Variants in SHOC1 observed in about 807,000 individuals in gnomAD.
SHOC1 encodes the protein protein shortage in chiasmata 1 ortholog.
A neutral mutation model predicts 179.2 loss-of-function variants in SHOC1; 136 were observed. The observed-to-expected ratio is 0.76, with a 90% confidence interval of 0.66 to 0.87. SHOC1 has a LOEUF of 0.87. Among genes scored for constraint, SHOC1 ranks in the 40% least tolerant of loss-of-function variants. SHOC1 has a pLI of 0.00. For missense variants in SHOC1, 1,538 were observed against 1,700.8 expected (o/e 0.90, Z 1.68); for synonymous variants, 489 against 586.6 (o/e 0.83, Z 2.41).
At chr9:111,747,532 C>G (rs1834345928) in intron 9 of SHOC1, among the ~76,000 whole-genome samples, 1 of 151,964 alleles carries the variant, frequency 6.6e-6, no homozygotes. Context: ...ATGCTATTTC[C>G]TCCATTCCTC....
chr9:111,758,630 G>C (rs1485727153), intron 6 of SHOC1, 65 bp downstream of exon 6: 3 of 1,378,548 alleles, frequency 2.2e-6, no homozygotes, highest in Non-Finnish European at 3.0e-6. Context: ...ATCTAAGCTT[G>C]TGATCATACT....
At chr9:111,765,543 T>C (rs1368103762) in intron 5 of SHOC1, among the ~76,000 whole-genome samples, 1 of 151,686 alleles carries the variant, frequency 6.6e-6, no homozygotes, top group Non-Finnish European at 1.5e-5. Flanking sequence ...TGAGCAGAGA[T>C]TGCACCATTG....
chr9:111,720,518 C>T (rs764947299), intron 15 of SHOC1, among the ~76,000 whole-genome samples: 13 of 152,138 alleles, frequency 8.5e-5, no homozygotes, highest in Non-Finnish European at 1.5e-4. Context: ...AAAGATTTGT[C>T]ATTATTTCTT....
intron 12 of SHOC1, among the ~76,000 whole-genome samples, chr9:111,733,628 G>GA (rs1833688061): frequency 6.6e-6 from 1 of 152,234 alleles, no homozygotes; most frequent in African/African-American, 2.4e-5. Flanking sequence ...AGCACTTTGG[G>GA]ATGCCAAGGC....
At chr9:111,753,786 A>G (rs567186606) in intron 8 of SHOC1, among the ~76,000 whole-genome samples, 16 of 152,284 alleles carry the variant, frequency 1.1e-4, no homozygotes, top group Admixed American at 1.0e-3. Context: ...ACTCTCAAAA[A>G]ATTAGGTATT....
rs190131643 is a variant in SHOC1 at position 111,697,762 on chromosome 9, G to A, written c.3183+2192C>T. On this transcript the variant is annotated intron_variant, in intron 24 of 27. Coordinates refer to ENST00000682961, the MANE Select transcript of SHOC1 (RefSeq NM_001378211.1). The stretch of plus-strand genomic sequence containing the variant: ...TCTAGTTCTAGATCCTAGAGGAATC[G>A]CCACACTGTCTTCCACAATGGTTGA... 2.7e-3 allele frequency among the ~76,000 whole-genome samples: 408 copies of A among 152,246 alleles called. 3 individuals are homozygous for A. The highest frequency in any genetic ancestry group is 0.017 in the Middle Eastern group (5 of 294).
intron 15 of SHOC1, among the ~76,000 whole-genome samples, chr9:111,721,931 C>T (rs915573057): frequency 8.9e-4 from 136 of 152,274 alleles, no homozygotes; most frequent in Non-Finnish European, 5.9e-4. Flanking sequence ...AACCACTGTT[C>T]TTCATTGCCT....
At chr9:111,777,673 G>T (rs973153390) in intron 4 of SHOC1, among the ~76,000 whole-genome samples, 2 of 152,116 alleles carry the variant, frequency 1.3e-5, no homozygotes, top group Non-Finnish European at 2.9e-5. Flanking sequence ...CATTACAAGA[G>T]ATCTTCCAAT....
Position 111,758,568 on chromosome 9 carries a change from G to A in SHOC1, c.596+127C>T, listed in dbSNP as rs1211213469. ...TGCGCCATTGTACTCCAGCCTGGGC[G>A]ACAGAGCAAGACTCATCTCAAAACA... On this transcript the variant is annotated intron_variant, in intron 6 of 27. Transcript: ENST00000682961. 8 of 862,066 alleles carry A rather than the reference G, an allele frequency of 9.3e-6. No individual in the cohort carries two copies. The East Asian group carries it at 1.7e-4, about 19-fold the overall frequency. 53.4% of individuals were successfully genotyped at this position (862,066 alleles called of 1,614,324 possible).
intron 22 of SHOC1, among the ~76,000 whole-genome samples, chr9:111,703,580 G>C (rs7851622): frequency 0.056 from 8,521 of 152,054 alleles, 595 homozygotes; most frequent in African/African-American, 0.16. Flanking sequence ...GCTGGAAATT[G>C]CTTTTTTAAA....
chr9:111,786,128 A>G, intron 2 of SHOC1, 93 bp from the exon 3 acceptor site: 1 of 922,526 alleles, frequency 1.1e-6, no homozygotes, highest in Non-Finnish European at 1.5e-6. Flanking sequence ...TGAAACTTAT[A>G]TGATTTTTCT....
chr9:111,711,244 C>T (rs761463750), intron 18 of SHOC1, among the ~76,000 whole-genome samples: 2 of 152,130 alleles, frequency 1.3e-5, no homozygotes, highest in Non-Finnish European at 2.9e-5. Context: ...GGTCCCCCGG[C>T]GAAACCCCTT....
rs1346849070 is a variant in SHOC1 at position 111,718,257 on chromosome 9, C to T, written c.2163G>A (p.Lys721=). 1.3e-6 allele frequency: 2 copies of T among 1,595,908 alleles called. No individual in the cohort carries two copies. The highest frequency in any genetic ancestry group is 1.3e-5 in the African/African-American group (1 of 74,110). The change falls in exon 16 of 28, where the codon AAG becomes AAA. Residue 721 remains lysine, a synonymous_variant. Coordinates refer to ENST00000682961, the MANE Select transcript of SHOC1 (RefSeq NM_001378211.1). ...CCAGAAGATGTAAGAGAGCGGCATG[C>T]TTGAAAGTCATTTCTCTTTCATCAA... ...GTIDEREMTF[K]HAALLHLLVT...
In SHOC1 at chr9:111,714,513, T is replaced by C. The variant is rs750860129; in HGVS notation, c.2347A>G (p.Thr783Ala). ...VQFIRGKKPE[T>A]NYKIQELQCQ... ...TGCAATTCTTGTATCTTGTAGTTGG[T>C]TTCAGGCTTTTTCCCCCTAATAAAC... Residue 783 changes from threonine to alanine, a missense_variant, in exon 17 of 28, where the codon ACC becomes GCC. Thr to Ala is a moderately conservative substitution (Grantham distance 58). Coordinates refer to ENST00000682961, the MANE Select transcript of SHOC1 (RefSeq NM_001378211.1). 1.9e-6 allele frequency: 3 copies of C among 1,614,040 alleles called. No individual in the cohort carries two copies. The highest frequency in any genetic ancestry group is 2.5e-6 in the Non-Finnish European group (3 of 1,179,940).
chr9:111,706,822 T>C, intron 19 of SHOC1, 76 bp from the exon 20 acceptor site: 1 of 1,038,168 alleles, frequency 9.6e-7, no homozygotes, highest in Non-Finnish European at 1.3e-6. Flanking sequence ...AAGATGACTG[T>C]TTTCTGGCTG....
chr9:111,768,519 A>G (rs1414737415), intron 5 of SHOC1, among the ~76,000 whole-genome samples: 1 of 152,168 alleles, frequency 6.6e-6, no homozygotes. Context: ...GCGCCCAGCC[A>G]TTATGTTGAT....
intron 12 of SHOC1, 138 bp downstream of exon 12, chr9:111,738,142 T>C (rs1833887040): frequency 1.5e-6 from 1 of 674,024 alleles, no homozygotes; most frequent in Non-Finnish European, 2.3e-6. Flanking sequence ...TCCAAAGTCA[T>C]AAATTCTGGC....
chr9:111,763,432 A>G (rs189636790), intron 5 of SHOC1, among the ~76,000 whole-genome samples: 4 of 152,148 alleles, frequency 2.6e-5, no homozygotes, highest in African/African-American at 7.2e-5. Flanking sequence ...CAGGATGAAA[A>G]GATCTTATAA....
At chr9:111,762,003 T>C (rs926706961) in intron 5 of SHOC1, among the ~76,000 whole-genome samples, 3 of 152,196 alleles carry the variant, frequency 2.0e-5, no homozygotes, top group African/African-American at 7.2e-5. Flanking sequence ...GATCAATTTC[T>C]AGGAATTCAT....
Sources: gnomAD v4.1 joint callset for allele counts (sites outside exome capture counted in the v4.1 genomes callset) on GRCh38, gnomAD v4.1.1 for gene constraint, MANE v1.5 for transcripts, NCBI Gene and HGNC (gene_info 2026-07-23, HGNC 2026-07-21) for gene names.